LGR5: variants seen among roughly 807,000 people sequenced by gnomAD.
LGR5 encodes the protein leucine-rich repeat-containing G protein-coupled receptor 5.
In LGR5, 54 loss-of-function variants were observed where a neutral mutation model predicts 76.7. The observed-to-expected ratio is 0.70, with a 90% CI of 0.57 to 0.88. LGR5 has a LOEUF of 0.88. Ranked by LOEUF, LGR5 falls within the 40% of genes least tolerant of loss-of-function variation. The probability of loss-of-function intolerance (pLI) is 0.00; values close to 1 mark genes in which losing one functional copy is unlikely to be tolerated. For synonymous variants in LGR5, 406 were observed against 421.9 expected (o/e 0.96, Z 0.46); for missense variants, 1,078 against 1,073.3 (o/e 1.00, Z -0.06).
At position 71,584,344 on chromosome 12, in the gene LGR5, A is replaced by C. The variant is rs1354992426; in HGVS notation, c.2334A>C (p.Leu778=). 1 of 1,614,082 alleles carries C rather than the reference A, an allele frequency of 6.2e-7. No homozygotes were observed. The highest frequency in any genetic ancestry group is 1.3e-5 in the African/African-American group (1 of 74,922). ...IALLLFTNCI[L]NCPVAFLSFS... ...TGTTGCTCTTCACCAACTGCATCCT[A>C]AACTGCCCTGTGGCTTTCTTGTCCT... Residue 778 remains leucine, a synonymous_variant, in exon 18 of 18, where the codon CTA becomes CTC. Transcript: ENST00000266674.
chr12:71,556,754 A>G (rs983411243), intron 6 of LGR5, 64 bp downstream of exon 6: 2 of 1,271,470 alleles, frequency 1.6e-6, no homozygotes, highest in Middle Eastern at 1.8e-4. Context: ...GAAGAATCAA[A>G]ATAGCCTTAA....
At chr12:71,486,348 T>C (rs1873827334) in intron 1 of LGR5, among the ~76,000 whole-genome samples, 1 of 152,166 alleles carries the variant, frequency 6.6e-6, no homozygotes, top group African/African-American at 2.4e-5. Context: ...CAGCAATCGT[T>C]TGACATGTGA....
intron 1 of LGR5, among the ~76,000 whole-genome samples, chr12:71,447,747 G>A (rs1872067923): frequency 6.6e-6 from 1 of 152,166 alleles, no homozygotes; most frequent in Admixed American, 6.6e-5. Flanking sequence ...AACATTGGCA[G>A]GGCATAGCCG....
intron 1 of LGR5, among the ~76,000 whole-genome samples, chr12:71,446,790 C>T (rs1451393951): frequency 6.6e-6 from 1 of 152,114 alleles, no homozygotes; most frequent in Non-Finnish European, 1.5e-5. Flanking sequence ...TTTCAATTTT[C>T]CAATAATGTG....
At chr12:71,473,585 GC>G (rs1322064635) in intron 1 of LGR5, among the ~76,000 whole-genome samples, 1 of 151,606 alleles carries the variant, frequency 6.6e-6, no homozygotes, top group African/African-American at 2.4e-5. Flanking sequence ...ACCAACCGGG[GC>G]AACATAGTGA....
chr12:71,521,112 T>C (rs1449090466), intron 2 of LGR5, among the ~76,000 whole-genome samples: 2 of 152,128 alleles, frequency 1.3e-5, no homozygotes, highest in African/African-American at 4.8e-5. Flanking sequence ...GGTGCACCAA[T>C]TGCAAGCTAA....
rs971821883 is a variant in LGR5 at position 71,585,043 on chromosome 12, C to G, written c.*309C>G. 4 of 267,342 alleles carry G rather than the reference C, an allele frequency of 1.5e-5. No individual in the cohort carries two copies. The South Asian group carries it at 3.5e-4, about 23-fold the overall frequency. The allele number at this position is 267,342 out of a possible 1,614,324, so 16.6% of individuals were successfully genotyped here. On this transcript the variant is annotated 3_prime_UTR_variant, in exon 18 of 18. Transcript: ENST00000266674. ...TTCTCCATGATTTGAATTGCATTCTCTTTAAACTCACCAATGTAATCATTT... is the reference window on the plus strand; with the variant it reads ...TTCTCCATGATTTGAATTGCATTCTGTTTAAACTCACCAATGTAATCATTT...
At chr12:71,479,354 A>G (rs546501040) in intron 1 of LGR5, among the ~76,000 whole-genome samples, 1 of 152,328 alleles carries the variant, frequency 6.6e-6, no homozygotes, top group African/African-American at 2.4e-5. Flanking sequence ...CTAGAATAAG[A>G]AAGGAAGGGA....
chr12:71,503,620 A>T (rs1874711127), intron 1 of LGR5, among the ~76,000 whole-genome samples: 1 of 152,220 alleles, frequency 6.6e-6, no homozygotes, highest in Non-Finnish European at 1.5e-5. Flanking sequence ...ACTTTAATAA[A>T]AGCAATAATT....
At chr12:71,504,903 A>T (rs1192906545) in intron 2 of LGR5, among the ~76,000 whole-genome samples, 5 of 152,242 alleles carry the variant, frequency 3.3e-5, no homozygotes, top group African/African-American at 1.2e-4. Context: ...ATAAGGCTAC[A>T]ACTTTCTAAG....
At chr12:71,578,316 AT>A in intron 14 of LGR5, among the ~76,000 whole-genome samples, 1 of 152,202 alleles carries the variant, frequency 6.6e-6, no homozygotes. Flanking sequence ...ATTTTATGCC[AT>A]TTTGACTGAT....
chr12:71,540,791 G>T (rs1456056816), intron 4 of LGR5, among the ~76,000 whole-genome samples: 3 of 152,110 alleles, frequency 2.0e-5, no homozygotes. Flanking sequence ...AGTAACAGAA[G>T]ACAAGGAAGT....
chr12:71,549,094 C>G (rs1218700335), intron 4 of LGR5, among the ~76,000 whole-genome samples: 2 of 152,210 alleles, frequency 1.3e-5, no homozygotes, highest in Non-Finnish European at 2.9e-5. Context: ...AATATGAACT[C>G]TTTGTTTACT....
At chr12:71,466,671 TG>T (rs1350093855) in intron 1 of LGR5, among the ~76,000 whole-genome samples, 1 of 149,154 alleles carries the variant, frequency 6.7e-6, no homozygotes, top group Non-Finnish European at 1.5e-5. Context: ...CTGTCTTCCA[TG>T]TTTTTTTTTT....
At chr12:71,495,953 G>A (rs1418404019) in intron 1 of LGR5, among the ~76,000 whole-genome samples, 1 of 151,926 alleles carries the variant, frequency 6.6e-6, no homozygotes, top group Non-Finnish European at 1.5e-5. Context: ...CTGGCACTTT[G>A]CAAAAAAAGG....
chr12:71,482,925 A>G (rs35526338), intron 1 of LGR5, among the ~76,000 whole-genome samples: 13,636 of 152,200 alleles, frequency 0.09, 654 homozygotes, highest in Non-Finnish European at 0.11. Context: ...TATCACACAC[A>G]CAAACAATAT....
intron 1 of LGR5, among the ~76,000 whole-genome samples, chr12:71,482,404 T>C (rs1226262766): frequency 2.0e-5 from 3 of 152,144 alleles, no homozygotes; most frequent in African/African-American, 7.2e-5. Context: ...ATGGCTCTCT[T>C]CTCTTTGTGT....
chr12:71,502,199 T>TC (rs1300701601), intron 1 of LGR5, among the ~76,000 whole-genome samples: 1 of 147,864 alleles, frequency 6.8e-6, no homozygotes, highest in Non-Finnish European at 1.5e-5. Flanking sequence ...TTTCCTTTTT[T>TC]TTTTTTTTTT....
intron 1 of LGR5, among the ~76,000 whole-genome samples, chr12:71,487,935 A>C (rs907864810): frequency 4.6e-5 from 7 of 151,174 alleles, no homozygotes; most frequent in African/African-American, 1.7e-4. Flanking sequence ...CTTTTCTTTA[A>C]TAGCTTCTTT....
Sources: allele counts gnomAD v4.1 joint callset (sites outside exome capture counted in the v4.1 genomes callset), GRCh38; gene constraint gnomAD v4.1.1; transcripts MANE v1.5; gene names NCBI Gene and HGNC (gene_info 2026-07-23, HGNC 2026-07-21).